Variants in NAALADL2 observed in about 807,000 individuals in gnomAD.
NAALADL2 encodes inactive N-acetylated-alpha-linked acidic dipeptidase-like protein 2.
NAALADL2 carries 76 observed loss-of-function variants against 87.2 expected under a neutral mutation model. The ratio of observed to expected loss-of-function variants is 0.87; its 90% CI spans 0.72 to 1.05. The LOEUF (loss-of-function observed/expected upper bound fraction) is 1.05. Ranked by LOEUF, NAALADL2 falls within the 50% of genes least tolerant of loss-of-function variation. NAALADL2 has a pLI of 0.00. For missense variants in NAALADL2, 1,089 were observed against 945.8 expected (o/e 1.15, Z -1.99); for synonymous variants, 354 against 331.0 (o/e 1.07, Z -0.75).
rs781439611 is a variant in NAALADL2 at position 175,471,629 on chromosome 3, G to GAA, written c.1534-10_1534-9insAA. 1.5e-6 allele frequency: 2 copies of GAA among 1,336,206 alleles called. No homozygotes were observed. The highest frequency in any genetic ancestry group is 4.7e-5 in the East Asian group (2 of 42,356). The allele number at this position is 1,336,206 out of a possible 1,614,324, so 82.8% of individuals were successfully genotyped here. ...CTTACAGATAGATCCTTTTTTTTTT[G>GAA]TTATTTCAGGATTTCAAGAAGGTTC... is the stretch of plus-strand genomic sequence containing the variant. On this transcript the variant is annotated splice_polypyrimidine_tract_variant and intron_variant, in intron 8 of 13. Coordinates refer to ENST00000454872, the MANE Select transcript of NAALADL2 (RefSeq NM_207015.3).
chr3:174,885,838 G>C (rs190723737), intron 1 of NAALADL2, among the ~76,000 whole-genome samples: 214 of 113,732 alleles, frequency 1.9e-3, no homozygotes, highest in Middle Eastern at 0.017. Flanking sequence ...TCCCACAATA[G>C]GCCATCTGCT....
intron 5 of NAALADL2, among the ~76,000 whole-genome samples, chr3:175,394,319 A>C (rs1252658084): frequency 6.6e-6 from 1 of 152,208 alleles, no homozygotes; most frequent in Non-Finnish European, 1.5e-5. Context: ...TTGGAGGACT[A>C]TAGTTAACAA....
intron 2 of NAALADL2, among the ~76,000 whole-genome samples, chr3:175,129,934 A>G (rs1727549659): frequency 6.6e-6 from 1 of 152,174 alleles, no homozygotes; most frequent in East Asian, 1.9e-4. Flanking sequence ...TACATTCCCA[A>G]CAATAGTGTA....
intron 5 of NAALADL2, among the ~76,000 whole-genome samples, chr3:175,371,480 G>C (rs1333113749): frequency 6.6e-6 from 1 of 151,998 alleles, no homozygotes; most frequent in African/African-American, 2.4e-5. Flanking sequence ...TGTTAGTCAA[G>C]ATATGGATAA....
chr3:175,493,158 G>A (rs1028851492), intron 9 of NAALADL2, among the ~76,000 whole-genome samples: 2 of 151,966 alleles, frequency 1.3e-5, no homozygotes, highest in South Asian at 2.1e-4. Context: ...GATAACAGTG[G>A]GGTCATGGAG....
At chr3:175,605,647 T>TTTTTTTGTTG (rs1395113608) in intron 10 of NAALADL2, among the ~76,000 whole-genome samples, 5 of 149,616 alleles carry the variant, frequency 3.3e-5, no homozygotes, top group African/African-American at 4.9e-5. Flanking sequence ...CTTGTTTTTT[T>TTTTTTTGTTG]TTTTTTTTTA....
At chr3:174,882,023 A>T (rs1729254114) in intron 1 of NAALADL2, among the ~76,000 whole-genome samples, 1 of 152,166 alleles carries the variant, frequency 6.6e-6, no homozygotes, top group South Asian at 2.1e-4. Context: ...TAAGAACAAG[A>T]TTTGGTCCCT....
chr3:174,985,713 G>A (rs1304135140), intron 1 of NAALADL2, among the ~76,000 whole-genome samples: 1 of 152,140 alleles, frequency 6.6e-6, no homozygotes, highest in Non-Finnish European at 1.5e-5. Context: ...AACACTTTGG[G>A]AGTCTGAGGC....
intron 1 of NAALADL2, among the ~76,000 whole-genome samples, chr3:175,044,776 G>A (rs991694130): frequency 4.6e-5 from 7 of 152,002 alleles, no homozygotes; most frequent in African/African-American, 1.7e-4. Context: ...TTACAGATTG[G>A]TTTTGATTTC....
At chr3:175,062,551 T>A (rs1292459218) in intron 1 of NAALADL2, among the ~76,000 whole-genome samples, 1 of 150,526 alleles carries the variant, frequency 6.6e-6, no homozygotes, top group African/African-American at 2.4e-5. Flanking sequence ...ACATTTGAAA[T>A]GCCCAGCTAT....
intron 9 of NAALADL2, among the ~76,000 whole-genome samples, chr3:175,518,828 G>A (rs1015739346): frequency 1.3e-5 from 2 of 152,182 alleles, no homozygotes; most frequent in Non-Finnish European, 2.9e-5. Context: ...TGGGGATTAA[G>A]TTTCGTAGAT....
At chr3:175,409,456 A>G (rs916695954) in intron 5 of NAALADL2, among the ~76,000 whole-genome samples, 11 of 151,992 alleles carry the variant, frequency 7.2e-5, no homozygotes, top group African/African-American at 2.2e-4. Context: ...TCTTACCCAT[A>G]TTGTTGACTC....
chr3:175,431,829 G>A (rs944886702), intron 5 of NAALADL2, among the ~76,000 whole-genome samples: 3 of 151,828 alleles, frequency 2.0e-5, no homozygotes, highest in South Asian at 2.1e-4. Flanking sequence ...TACTGAATCC[G>A]TGTGATTAAT....
At chr3:174,605,344 C>T (rs11706890) in intron 2 of NAALADL2, among the ~76,000 whole-genome samples, 52,724 of 151,850 alleles carry the variant, frequency 0.35, 10,375 homozygotes, top group Non-Finnish European at 0.46. Context: ...GCACCGTGCG[C>T]AAGCCGAAGC....
chr3:175,739,498 T>A (rs945325108), intron 12 of NAALADL2, among the ~76,000 whole-genome samples: 3 of 152,188 alleles, frequency 2.0e-5, no homozygotes, highest in Admixed American at 6.5e-5. Context: ...TAGAATTAGA[T>A]TATTAATCTG....
At chr3:175,430,290 C>T (rs921005164) in intron 5 of NAALADL2, among the ~76,000 whole-genome samples, 21 of 151,836 alleles carry the variant, frequency 1.4e-4, no homozygotes, top group South Asian at 8.3e-4. Flanking sequence ...AAGTTATATA[C>T]GCATATGTGT....
At chr3:174,751,325 A>T (rs1256656210) in intron 3 of NAALADL2, among the ~76,000 whole-genome samples, 1 of 152,158 alleles carries the variant, frequency 6.6e-6, no homozygotes, top group African/African-American at 2.4e-5. Flanking sequence ...ATATTTTTGC[A>T]GAGGTCTATT....
chr3:174,806,084 A>G (rs1306458220), intron 3 of NAALADL2, among the ~76,000 whole-genome samples: 1 of 152,188 alleles, frequency 6.6e-6, no homozygotes, highest in Non-Finnish European at 1.5e-5. Flanking sequence ...TTCTTCTTGG[A>G]TGATGAATTA....
At chr3:174,776,849 A>T (rs773077810) in intron 3 of NAALADL2, among the ~76,000 whole-genome samples, 1 of 152,160 alleles carries the variant, frequency 6.6e-6, no homozygotes, top group African/African-American at 2.4e-5. Flanking sequence ...TTGTTTGCAC[A>T]TAATACACAT....
Sources: gnomAD v4.1 joint callset for allele counts (sites outside exome capture counted in the v4.1 genomes callset) on GRCh38, gnomAD v4.1.1 for gene constraint, MANE v1.5 for transcripts, NCBI Gene and HGNC (gene_info 2026-07-23, HGNC 2026-07-21) for gene names.